Variants in CELF5 observed in about 807,000 individuals in gnomAD.
CELF5 encodes the protein CUG-BP and ETR-3 like factor 5.
Under a neutral mutation model 54.9 loss-of-function variants are expected in CELF5, and 6 were observed. That is an observed-to-expected ratio of 0.11 (90% CI 0.06 to 0.22). CELF5 has a LOEUF of 0.22. Among genes scored for constraint, CELF5 ranks in the 10% least tolerant of loss-of-function variants. The pLI is 1.00. For synonymous variants in CELF5, 271 were observed against 290.9 expected (o/e 0.93, Z 0.70); for missense variants, 401 against 678.6 (o/e 0.59, Z 4.54).
intron 2 of CELF5, among the ~76,000 whole-genome samples, chr19:3,254,647 T>A (rs76494958): frequency 0.06 from 8,963 of 149,916 alleles, 815 homozygotes; most frequent in East Asian, 0.43. Context: ...CACCCACACA[T>A]CTATTATGCA....
intron 2 of CELF5, among the ~76,000 whole-genome samples, chr19:3,251,623 G>T (rs1398761792): frequency 6.6e-6 from 1 of 151,442 alleles, no homozygotes; most frequent in Non-Finnish European, 1.5e-5. Context: ...TGGTGCAAAC[G>T]GAGCCACAGT....
chr19:3,276,255 G>C (rs1239441030), intron 4 of CELF5, among the ~76,000 whole-genome samples: 2 of 140,470 alleles, frequency 1.4e-5, no homozygotes, highest in Admixed American at 7.0e-5. Flanking sequence ...GGCCTGTGGG[G>C]CAGGGCCCTG....
At chr19:3,257,465 A>G (rs1479549693) in intron 2 of CELF5, among the ~76,000 whole-genome samples, 3 of 151,664 alleles carry the variant, frequency 2.0e-5, no homozygotes, top group South Asian at 2.1e-4. Context: ...CACTTTTATT[A>G]TTATTATTTA....
chr19:3,266,616 T>C (rs2079885606), intron 2 of CELF5, among the ~76,000 whole-genome samples: 1 of 151,872 alleles, frequency 6.6e-6, no homozygotes, highest in Non-Finnish European at 1.5e-5. Flanking sequence ...TCCTCAAGGG[T>C]GTTCTTTGGT....
At chr19:3,280,643 G>A (rs1270955898) in intron 5 of CELF5, among the ~76,000 whole-genome samples, 1 of 152,122 alleles carries the variant, frequency 6.6e-6, no homozygotes, top group East Asian at 1.9e-4. Context: ...ACAGAGTCAG[G>A]ATCATCTACT....
chr19:3,285,100 C>A, intron 9 of CELF5, 136 bp downstream of exon 9: 4 of 682,604 alleles, frequency 5.9e-6, no homozygotes, highest in East Asian at 5.5e-5. Context: ...CCCCTCAGGG[C>A]CCACCCTTAG....
chr19:3,230,870 A>G (rs1227046631), intron 1 of CELF5, among the ~76,000 whole-genome samples: 1 of 152,208 alleles, frequency 6.6e-6, no homozygotes, highest in Non-Finnish European at 1.5e-5. Context: ...CTCTTAGAGA[A>G]CCAAGTTCCC....
At chr19:3,283,594 C>T (rs2080185968) in intron 8 of CELF5, among the ~76,000 whole-genome samples, 1 of 152,070 alleles carries the variant, frequency 6.6e-6, no homozygotes, top group South Asian at 2.1e-4. Context: ...AAGCAGGCCT[C>T]CCAAAGTGCC....
rs577198822 is a variant in CELF5, at chr19:3,256,863, T to C, written c.342+5796T>C. Among the ~76,000 whole-genome samples, 497 of 151,878 alleles carry C rather than the reference T, an allele frequency of 3.3e-3. 1 individual carries two copies. Among genetic ancestry groups the C allele is most frequent in the Non-Finnish European group, 4.9e-3 (335 of 67,940 alleles). On this transcript the variant is annotated intron_variant, in intron 2 of 12. Coordinates refer to ENST00000292672, the MANE Select transcript of CELF5 (RefSeq NM_021938.4). ...GATTACAGGCGTCAGCCACTGCACC[T>C]GGCCTTATTATTTTTTTTCTGAGAC...
intron 2 of CELF5, among the ~76,000 whole-genome samples, chr19:3,254,063 G>A (rs2079686333): frequency 6.6e-6 from 1 of 152,142 alleles, no homozygotes; most frequent in African/African-American, 2.4e-5. Context: ...CAGGAGGGAA[G>A]ATGGAAGAGG....
chr19:3,289,256 T>TA (rs911541066), intron 10 of CELF5, among the ~76,000 whole-genome samples: 13 of 152,012 alleles, frequency 8.6e-5, no homozygotes, highest in South Asian at 4.1e-4. Flanking sequence ...AGGGAAATAA[T>TA]AAAAAAAATT....
At chr19:3,248,853 TCTTCCTTCCTTC>T (rs56977899) in intron 1 of CELF5, among the ~76,000 whole-genome samples, 8,131 of 118,854 alleles carry the variant, frequency 0.068, 333 homozygotes, top group Admixed American at 0.12. Flanking sequence ...TTTCTTTCTT[TCTTCCTTCCTTC>T]CTTCCTTCCT....
chr19:3,256,220 T>C (rs893177174), intron 2 of CELF5, among the ~76,000 whole-genome samples: 9 of 152,116 alleles, frequency 5.9e-5, no homozygotes, highest in Non-Finnish European at 1.0e-4. Flanking sequence ...CGTGGGTAAC[T>C]GCCTCTCCCG....
At chr19:3,243,359 C>T (rs774087362) in intron 1 of CELF5, among the ~76,000 whole-genome samples, 201 of 152,294 alleles carry the variant, frequency 1.3e-3, no homozygotes, top group Non-Finnish European at 2.4e-3. Context: ...TGCCTCACTG[C>T]AGCATCGACG....
At chr19:3,247,038 C>T (rs1011898343) in intron 1 of CELF5, among the ~76,000 whole-genome samples, 3 of 152,156 alleles carry the variant, frequency 2.0e-5, no homozygotes, top group African/African-American at 7.2e-5. Flanking sequence ...AAGGCATACA[C>T]GAGAGCTGGG....
intron 11 of CELF5, among the ~76,000 whole-genome samples, chr19:3,292,862 C>T (rs1310346886): frequency 6.6e-6 from 1 of 152,082 alleles, no homozygotes; most frequent in Non-Finnish European, 1.5e-5. Flanking sequence ...CGCCACTGCA[C>T]TCCAGCCTGG....
chr19:3,265,163 C>A (rs971742729), intron 2 of CELF5, among the ~76,000 whole-genome samples: 1 of 152,080 alleles, frequency 6.6e-6, no homozygotes, highest in Non-Finnish European at 1.5e-5. Flanking sequence ...ATAGCAAGAC[C>A]CCATCTCTAC....
intron 5 of CELF5, among the ~76,000 whole-genome samples, chr19:3,279,877 AT>A (rs2080118813): frequency 6.6e-6 from 1 of 152,018 alleles, no homozygotes; most frequent in African/African-American, 2.4e-5. Context: ...TAAATTTTGT[AT>A]TTGTAGTAGA....
chr19:3,236,314 G>C (rs1212797789), intron 1 of CELF5, among the ~76,000 whole-genome samples: 2 of 152,184 alleles, frequency 1.3e-5, no homozygotes, highest in African/African-American at 4.8e-5. Context: ...GGTGGAGAAG[G>C]GAGGGTCCTG....
Sources: allele counts gnomAD v4.1 joint callset (sites outside exome capture counted in the v4.1 genomes callset), GRCh38; gene constraint gnomAD v4.1.1; transcripts MANE v1.5; gene names NCBI Gene and HGNC (gene_info 2026-07-23, HGNC 2026-07-21).